The following CNTLN variants were observed in gnomAD, a reference collection of about 807,000 sequenced individuals.
CNTLN encodes the protein centlein, also known as centlein, centrosomal protein.
A neutral mutation model predicts 180.0 loss-of-function variants in CNTLN; 212 were observed. The observed-to-expected ratio is 1.18, with a 90% CI of 1.05 to 1.32. The LOEUF is 1.32. Among genes scored for constraint, CNTLN ranks in the 40% most tolerant of loss-of-function variants. The probability of loss-of-function intolerance (pLI) is 0.00; values close to 1 mark genes in which losing one functional copy is unlikely to be tolerated. For synonymous variants in CNTLN, 722 were observed against 563.1 expected, an observed-to-expected ratio of 1.28 and a Z score of -3.99; for missense variants, 2,095 against 1,610.9, an observed-to-expected ratio of 1.30 and a Z score of -5.14.
At chr9:17,401,026 C>T (rs1826932023) in intron 15 of CNTLN, among the ~76,000 whole-genome samples, 1 of 152,134 alleles carries the variant, frequency 6.6e-6, no homozygotes, top group Admixed American at 6.5e-5. Context: ...ATTTGATCCT[C>T]ATTGAAGTCC....
chr9:17,263,312 G>A (rs570773664), intron 5 of CNTLN, among the ~76,000 whole-genome samples: 5 of 149,234 alleles, frequency 3.4e-5, no homozygotes, highest in East Asian at 2.0e-4. Context: ...TTGTCCTTGC[G>A]ATAGTTTGCT....
Position 17,394,818 on chromosome 9 carries a change from T to G in CNTLN, c.2364T>G (p.Asn788Lys). 6.2e-7 allele frequency: 1 copy of G among 1,613,828 alleles called. No homozygotes were observed. The highest frequency in any genetic ancestry group is 8.5e-7 in the Non-Finnish European group (1 of 1,179,948). The change falls in exon 15 of 26, where the codon AAT (asparagine) becomes AAG (lysine). Residue 788 changes from asparagine (N) to lysine (K), a missense_variant. Asn to Lys is a moderately conservative substitution (Grantham distance 94). Coordinates refer to ENST00000380647, the MANE Select transcript of CNTLN (RefSeq NM_017738.4). ...VAEANALRNENEELINPMEKS... is the reference protein window; with the variant it reads ...VAEANALRNEKEELINPMEKS... ...AAGCTAATGCATTGAGAAATGAAAA[T>G]GAAGAGCTGATCAACCCAATGGAGA...
intron 5 of CNTLN, among the ~76,000 whole-genome samples, chr9:17,244,591 C>G (rs1825694183): frequency 6.6e-6 from 1 of 152,050 alleles, no homozygotes; most frequent in Admixed American, 6.6e-5. Flanking sequence ...AGAGTTTGGT[C>G]TGTTTACCTT....
chr9:17,266,607 C>G (rs944634201), intron 5 of CNTLN, among the ~76,000 whole-genome samples: 1 of 152,030 alleles, frequency 6.6e-6, no homozygotes, highest in Non-Finnish European at 1.5e-5. Context: ...AACTTTCTGT[C>G]TCGTTGATCT....
At chr9:17,156,563 T>C (rs1819305382) in intron 2 of CNTLN, among the ~76,000 whole-genome samples, 1 of 152,150 alleles carries the variant, frequency 6.6e-6, no homozygotes, top group South Asian at 2.1e-4. Context: ...TTCTGTAGAG[T>C]TTCCCCAAAT....
intron 5 of CNTLN, among the ~76,000 whole-genome samples, chr9:17,260,629 T>A (rs1283404820): frequency 6.6e-6 from 1 of 151,388 alleles, no homozygotes; most frequent in Non-Finnish European, 1.5e-5. Flanking sequence ...ATGTTGACTG[T>A]TTACTCTTTG....
intron 15 of CNTLN, among the ~76,000 whole-genome samples, chr9:17,397,741 G>C (rs1826649002): frequency 6.6e-6 from 1 of 152,112 alleles, no homozygotes; most frequent in Non-Finnish European, 1.5e-5. Flanking sequence ...TCTGACATTA[G>C]TGCATGTGCA....
chr9:17,381,624 A>G (rs1825263385), intron 13 of CNTLN, among the ~76,000 whole-genome samples: 2 of 152,190 alleles, frequency 1.3e-5, no homozygotes, highest in African/African-American at 4.8e-5. Flanking sequence ...CACCCCACTT[A>G]AAGTTACCAA....
chr9:17,357,715 A>T (rs1319903634), intron 12 of CNTLN, among the ~76,000 whole-genome samples: 1 of 151,098 alleles, frequency 6.6e-6, no homozygotes, highest in Non-Finnish European at 1.5e-5. Context: ...AAGACAGCAA[A>T]GTTACTTTCC....
chr9:17,336,036 C>T (rs1821011155), intron 10 of CNTLN, among the ~76,000 whole-genome samples: 1 of 152,060 alleles, frequency 6.6e-6, no homozygotes, highest in South Asian at 2.1e-4. Context: ...GAACTGATCT[C>T]ATTCAGCACC....
At chr9:17,418,203 A>C (rs1828414573) in intron 18 of CNTLN, among the ~76,000 whole-genome samples, 1 of 152,028 alleles carries the variant, frequency 6.6e-6, no homozygotes, top group African/African-American at 2.4e-5. Context: ...AAGAGTAAGA[A>C]TCAGAATTTA....
chr9:17,523,421 G>C, the CNTLN span, among the ~76,000 whole-genome samples: 1 of 152,006 alleles, frequency 6.6e-6, no homozygotes, highest in Non-Finnish European at 1.5e-5. Context: ...ATTTTTAGTA[G>C]AGACGGGGTT....
chr9:17,138,050 T>C (rs973427209), intron 1 of CNTLN, among the ~76,000 whole-genome samples: 1 of 152,204 alleles, frequency 6.6e-6, no homozygotes, highest in African/African-American at 2.4e-5. Flanking sequence ...TGTAGCTTTT[T>C]CCTAAGGAAT....
chr9:17,145,252 C>G (rs1818377626), intron 2 of CNTLN, among the ~76,000 whole-genome samples: 2 of 152,162 alleles, frequency 1.3e-5, no homozygotes, highest in Non-Finnish European at 2.9e-5. Flanking sequence ...CCAGGTAATT[C>G]TGATGTCTGT....
intron 3 of CNTLN, among the ~76,000 whole-genome samples, chr9:17,232,885 T>G (rs1824900930): frequency 6.6e-6 from 1 of 152,006 alleles, no homozygotes; most frequent in South Asian, 2.1e-4. Flanking sequence ...TAGCTGAGAG[T>G]AGAAAAATTG....
At chr9:17,338,331 A>ATTTTTTTTT (rs1238106698) in intron 10 of CNTLN, among the ~76,000 whole-genome samples, 39 of 27,210 alleles carry the variant, frequency 1.4e-3, no homozygotes, top group African/African-American at 2.4e-3. Flanking sequence ...CTCCTGGCTA[A>ATTTTTTTTT]TTTTTGTTTT....
intron 2 of CNTLN, among the ~76,000 whole-genome samples, chr9:17,194,476 G>GT (rs1821993737): frequency 1.3e-5 from 2 of 152,168 alleles, no homozygotes; most frequent in Non-Finnish European, 2.9e-5. Context: ...AATGCCGCCA[G>GT]TTTCTTTGCT....
rs143405051 is a variant in CNTLN, at chr9:17,425,167, A to G, written c.3114+8978A>G. 1.6e-3 allele frequency among the ~76,000 whole-genome samples: 244 copies of G among 152,244 alleles called. 2 individuals are homozygous for G. The highest frequency in any genetic ancestry group is 5.7e-3 in the African/African-American group (236 of 41,546). On this transcript the variant is annotated intron_variant, in intron 18 of 25. Coordinates refer to ENST00000380647, the MANE Select transcript of CNTLN (RefSeq NM_017738.4). ...TTTAAATAACAAAATTGGTTTCAAG[A>G]GTTGTATTATTGCTACAGACTGAAT...
intron 14 of CNTLN, among the ~76,000 whole-genome samples, chr9:17,392,232 T>C (rs975918723): frequency 2.6e-5 from 4 of 152,138 alleles, no homozygotes; most frequent in Non-Finnish European, 5.9e-5. Context: ...GCCATGGCAC[T>C]CCAGCCTGGG....
Sources: gnomAD v4.1 joint callset for allele counts (sites outside exome capture counted in the v4.1 genomes callset) on GRCh38, gnomAD v4.1.1 for gene constraint, MANE v1.5 for transcripts, NCBI Gene and HGNC (gene_info 2026-07-23, HGNC 2026-07-21) for gene names.